The following CD300E variants were observed in gnomAD, a reference collection of about 807,000 sequenced individuals.
The protein encoded by CD300E is CMRF35-like molecule 2.
CD300E carries 14 observed loss-of-function variants against 20.9 expected under a neutral mutation model. The ratio of observed to expected loss-of-function variants is 0.67; its 90% confidence interval spans 0.44 to 1.05. The LOEUF is 1.05. Among genes scored for constraint, CD300E ranks in the 50% least tolerant of loss-of-function variants. The pLI is 0.00. For missense variants in CD300E, 237 were observed against 253.9 expected, an observed-to-expected ratio of 0.93 and a Z score of 0.45; for synonymous variants, 102 against 103.7, an observed-to-expected ratio of 0.98 and a Z score of 0.10.
At chr17:74,620,349 A>G (rs2030994831) in intron 1 of CD300E, among the ~76,000 whole-genome samples, 1 of 152,088 alleles carries the variant, frequency 6.6e-6, no homozygotes, top group Non-Finnish European at 1.5e-5. Flanking sequence ...GCGGGGGCCT[A>G]TAATCCCAGC....
At chr17:74,613,454 C>A (rs2030828726) in intron 3 of CD300E, among the ~76,000 whole-genome samples, 2 of 152,206 alleles carry the variant, frequency 1.3e-5, no homozygotes, top group South Asian at 4.1e-4. Flanking sequence ...CAGGGTCTAG[C>A]AGCAATATCA....
At position 74,610,430 on chromosome 17, in the gene CD300E, A is replaced by G. The variant is rs150193116; in HGVS notation, c.*2223T>C. The G allele has an allele frequency of 2.0e-5, 3 of 151,898 alleles. No homozygotes were observed. In the East Asian group the frequency reaches 5.8e-4, roughly 29 times the overall value. 9.4% of individuals were successfully genotyped at this position (151,898 alleles called of 1,614,324 possible). On this transcript the variant is annotated 3_prime_UTR_variant, in exon 4 of 4. Coordinates refer to ENST00000392619, the MANE Select transcript of CD300E (RefSeq NM_181449.3). ...ACCCACATCTCTAGCTATCTGCTAG[A>G]CCTCTCTGCCTGATGATTCCAAACA... is the stretch of plus-strand genomic sequence containing the variant.
rs886806784 is a variant in CD300E, at chr17:74,621,043, G to GA, written c.40+2538dup. Among the ~76,000 whole-genome samples, 7 of 149,882 alleles carry GA rather than the reference G, an allele frequency of 4.7e-5. No individual in the cohort carries two copies. In the South Asian group the frequency reaches 6.3e-4, roughly 14 times the overall value. On this transcript the variant is annotated intron_variant, in intron 1 of 3. Coordinates refer to ENST00000392619, the MANE Select transcript of CD300E (RefSeq NM_181449.3). Reference sequence around the variant, plus strand: ...GGGTGACAGAGCCAGACTCCCTCTCGAAAAAAAAAGAAGAAGAAGAAGAGG... The same window carrying GA: ...GGGTGACAGAGCCAGACTCCCTCTCGAAAAAAAAAAGAAGAAGAAGAAGAGG...
chr17:74,619,223 G>T, intron 1 of CD300E: 1 of 452,834 alleles, frequency 2.2e-6, no homozygotes, highest in Non-Finnish European at 4.6e-6. Context: ...GGTACAAAGG[G>T]CTTGTCACAG....
Position 74,611,569 on chromosome 17 carries a change from T to C in CD300E, c.*1084A>G, listed in dbSNP as rs900737490. ...TGGTGATAGCACTGTGCACTTCAAG[T>C]GTGGACAAGTATCCTTCACCTCTGT... On this transcript the variant is annotated 3_prime_UTR_variant, in exon 4 of 4. Coordinates refer to ENST00000392619, the MANE Select transcript of CD300E (RefSeq NM_181449.3). The C allele has an allele frequency of 1.3e-5, 2 of 152,266 alleles. No individual in the cohort carries two copies. Among genetic ancestry groups the C allele is most frequent in the African/African-American group, 4.8e-5 (2 of 41,470 alleles). The allele number at this position is 152,266 out of a possible 1,614,324, so 9.4% of individuals were successfully genotyped here.
At position 74,623,510 on chromosome 17, in the gene CD300E, C is replaced by T. The variant is rs1002669754; in HGVS notation, c.40+72G>A. 41 of 1,500,832 alleles carry T rather than the reference C, an allele frequency of 2.7e-5. No individual in the cohort carries two copies. The South Asian group carries it at 4.3e-4, about 16-fold the overall frequency. 93.0% of individuals were successfully genotyped at this position (1,500,832 alleles called of 1,614,324 possible). A position where few individuals can be genotyped will look rare whatever the true frequency, so the allele number is the denominator to read the frequency against. On this transcript the variant is annotated intron_variant, in intron 1 of 3. Coordinates refer to ENST00000392619, the MANE Select transcript of CD300E (RefSeq NM_181449.3). The stretch of plus-strand genomic sequence containing the variant: ...GTGGACACTTCACCTCTGGTTTGAA[C>T]CCAGGACAGCTCTTCTACCTACTGT...
At chr17:74,623,231 C>T (rs1289608356) in intron 1 of CD300E, among the ~76,000 whole-genome samples, 2 of 152,178 alleles carry the variant, frequency 1.3e-5, no homozygotes, top group Non-Finnish European at 2.9e-5. Flanking sequence ...CATCTCCCAC[C>T]CTTCCAAGAG....
chr17:74,617,339 G>C lies in CD300E; in HGVS notation c.167C>G (p.Thr56Arg), dbSNP rs780393497. 2 of 1,614,124 alleles carry C rather than the reference G, an allele frequency of 1.2e-6. No individual in the cohort carries two copies. The highest frequency in any genetic ancestry group is 2.2e-5 in the South Asian group (2 of 91,082). The part of the protein sequence containing the change: ...NKYWCRGQYD[T>R]SCESIVETKG... ...GGTCTCCACAATGCTCTCACATGACGTGTCGTACTGTCCTCGGCACCAGTA... is the reference window on the plus strand; with the variant it reads ...GGTCTCCACAATGCTCTCACATGACCTGTCGTACTGTCCTCGGCACCAGTA... Residue 56 changes from threonine (T) to arginine (R), a missense_variant, in exon 2 of 4, where the codon ACG becomes AGG. Transcript: ENST00000392619.
Position 74,612,819 on chromosome 17 carries a change from C to T in CD300E, c.498-46G>A, listed in dbSNP as rs73995682. On this transcript the variant is annotated intron_variant, in intron 3 of 3. Transcript: ENST00000392619. ...ATGAGTCACTTCCCCGGGAGAACCCCCAGGACCCTTCTCTCCCCACCTCTC... is the reference window on the plus strand; with the variant it reads ...ATGAGTCACTTCCCCGGGAGAACCCTCAGGACCCTTCTCTCCCCACCTCTC... 1.6e-3 allele frequency: 2,642 copies of T among 1,606,958 alleles called. 37 individuals carry two copies. In the African/African-American group the frequency reaches 0.031, roughly 19 times the overall value.
At chr17:74,612,897 C>T in intron 3 of CD300E, 124 bp from the exon 4 acceptor site, 1 of 1,356,374 alleles carries the variant, frequency 7.4e-7, no homozygotes, top group Non-Finnish European at 1.0e-6. Context: ...AGGGAAAGGA[C>T]CTATGCCAGG....
chr17:74,620,440 A>C (rs78857221), intron 1 of CD300E, among the ~76,000 whole-genome samples: 8,122 of 152,062 alleles, frequency 0.053, 255 homozygotes, highest in African/African-American at 0.069. Context: ...CATGCACTCT[A>C]GGCTGGGCAA....
chr17:74,617,320 C>T lies in CD300E; in HGVS notation c.186G>A (p.Val62=), dbSNP rs986879469. Residue 62 remains valine, a synonymous_variant, in exon 2 of 4, where the codon GTG becomes GTA. Transcript: ENST00000392619. ...CCACCTTCTCTTCTCCCTTGGTCTC[C>T]ACAATGCTCTCACATGACGTGTCGT... The part of the protein sequence containing the change: ...GQYDTSCESI[V]ETKGEEKVER... 6.2e-7 allele frequency: 1 copy of T among 1,614,220 alleles called. No homozygotes were observed. The highest frequency in any genetic ancestry group is 8.5e-7 in the Non-Finnish European group (1 of 1,180,042).
At chr17:74,619,939 G>A (rs1190911890) in intron 1 of CD300E, among the ~76,000 whole-genome samples, 1 of 152,050 alleles carries the variant, frequency 6.6e-6, no homozygotes, top group Non-Finnish European at 1.5e-5. Context: ...GAAAAGAAAG[G>A]GCCTTCTGCA....
intron 2 of CD300E, among the ~76,000 whole-genome samples, chr17:74,616,650 T>A (rs1331914768): frequency 6.6e-6 from 1 of 152,076 alleles, no homozygotes; most frequent in African/African-American, 2.4e-5. Flanking sequence ...GGGACACGGC[T>A]CCATGGCCCT....
At chr17:74,616,129 G>A (rs2030894049) in intron 2 of CD300E, among the ~76,000 whole-genome samples, 1 of 152,002 alleles carries the variant, frequency 6.6e-6, no homozygotes, top group Admixed American at 6.5e-5. Context: ...GGCTCAAAGT[G>A]GTCTAGGAAG....
At chr17:74,614,957 G>A (rs985575797) in intron 2 of CD300E, among the ~76,000 whole-genome samples, 26 of 152,326 alleles carry the variant, frequency 1.7e-4, no homozygotes, top group African/African-American at 5.3e-4. Context: ...GCCCTTCACC[G>A]GTGCCCGACA....
chr17:74,615,189 C>T (rs910146275), intron 2 of CD300E, among the ~76,000 whole-genome samples: 3 of 152,198 alleles, frequency 2.0e-5, no homozygotes, highest in Non-Finnish European at 4.4e-5. Flanking sequence ...AAAACATGGG[C>T]GGCACCTAGC....
intron 2 of CD300E, 78 bp from the exon 3 acceptor site, chr17:74,614,111 A>G: frequency 9.1e-7 from 1 of 1,095,924 alleles, no homozygotes; most frequent in South Asian, 1.3e-5. Flanking sequence ...GATGTCATAC[A>G]GAATCACCCA....
Position 74,611,203 on chromosome 17 carries a change from A to C in CD300E, c.*1450T>G, listed in dbSNP as rs1322893006. 6.6e-6 allele frequency: 1 copy of C among 152,262 alleles called. No individual in the cohort carries two copies. The highest frequency in any genetic ancestry group is 2.4e-5 in the African/African-American group (1 of 41,460). 9.4% of individuals were successfully genotyped at this position (152,262 alleles called of 1,614,324 possible). On this transcript the variant is annotated 3_prime_UTR_variant, in exon 4 of 4. Transcript: ENST00000392619. ...TGTTAGATTGAATTTCTCTTTCAGCATGAGTCCTGGGCCAGCCCCATCTTT... is the reference window on the plus strand; with the variant it reads ...TGTTAGATTGAATTTCTCTTTCAGCCTGAGTCCTGGGCCAGCCCCATCTTT...
Sources: allele counts gnomAD v4.1 joint callset (sites outside exome capture counted in the v4.1 genomes callset), GRCh38; gene constraint gnomAD v4.1.1; transcripts MANE v1.5; gene names NCBI Gene and HGNC (gene_info 2026-07-23, HGNC 2026-07-21).